Variants in HIP1 observed in about 807,000 individuals in gnomAD.
HIP1 encodes the protein huntingtin-interacting protein 1.
In HIP1, 65 loss-of-function variants were observed where a neutral mutation model predicts 147.6. The observed-to-expected ratio is 0.44, with a 90% CI of 0.36 to 0.54. The LOEUF is 0.54. Among genes scored for constraint, HIP1 ranks in the 20% least tolerant of loss-of-function variants. HIP1 has a pLI of 0.00. For synonymous variants in HIP1, 479 were observed against 504.0 expected (o/e 0.95, Z 0.67); for missense variants, 1,061 against 1,299.6 (o/e 0.82, Z 2.82).
At chr7:75,669,090 G>T (rs1037341717) in intron 1 of HIP1, among the ~76,000 whole-genome samples, 4 of 152,140 alleles carry the variant, frequency 2.6e-5, no homozygotes, top group African/African-American at 9.6e-5. Context: ...AACAGGCCGG[G>T]TGTGGTGGCT....
intron 1 of HIP1, among the ~76,000 whole-genome samples, chr7:75,631,345 A>C (rs1416763643): frequency 1.3e-5 from 2 of 152,158 alleles, no homozygotes; most frequent in Non-Finnish European, 2.9e-5. Flanking sequence ...CTTAGAAGCG[A>C]GGAAACAGTA....
intron 8 of HIP1, among the ~76,000 whole-genome samples, chr7:75,572,991 C>T (rs1336816792): frequency 6.6e-6 from 1 of 152,196 alleles, no homozygotes; most frequent in Non-Finnish European, 1.5e-5. Context: ...GGGGCTGAGC[C>T]CTGTTGCCAT....
intron 1 of HIP1, among the ~76,000 whole-genome samples, chr7:75,677,480 C>A (rs1584943672): frequency 6.6e-6 from 1 of 150,932 alleles, no homozygotes; most frequent in Admixed American, 6.6e-5. Context: ...GTGGCGGGTG[C>A]CTGTAATCCC....
chr7:75,632,269 C>G (rs1436413806), intron 1 of HIP1, among the ~76,000 whole-genome samples: 2 of 152,028 alleles, frequency 1.3e-5, no homozygotes, highest in Non-Finnish European at 2.9e-5. Flanking sequence ...ACGTCCTCAC[C>G]CAGGGGCCTA....
At chr7:75,631,879 TGTGTTGTG>T (rs1261577841) in intron 1 of HIP1, among the ~76,000 whole-genome samples, 1 of 151,110 alleles carries the variant, frequency 6.6e-6, no homozygotes, top group Non-Finnish European at 1.5e-5. Flanking sequence ...CAGCTGCGCG[TGTGTTGTG>T]GGGGAGATTG....
rs1795486967 is a variant in HIP1, at chr7:75,568,329, G to A, written c.746-73C>T. 3.1e-6 allele frequency: 3 copies of A among 978,110 alleles called. No individual in the cohort carries two copies. The highest frequency in any genetic ancestry group is 3.2e-5 in the African/African-American group (2 of 62,896). The allele number at this position is 978,110 out of a possible 1,614,324, so 60.6% of individuals were successfully genotyped here. On this transcript the variant is annotated intron_variant, in intron 8 of 30. Transcript: ENST00000336926. This position sits in a 1 kb window ranked among gnomAD's most constrained non-coding sequence, Gnocchi z 4.1. ...AGGGAAGCCACAGCGGGGCTCTCGAGGGGGAGGGGCCCAGCTACCCTGGGG... is the reference window on the plus strand; with the variant it reads ...AGGGAAGCCACAGCGGGGCTCTCGAAGGGGAGGGGCCCAGCTACCCTGGGG...
At chr7:75,569,863 A>G (rs1364521950) in intron 8 of HIP1, among the ~76,000 whole-genome samples, 4 of 152,172 alleles carry the variant, frequency 2.6e-5, no homozygotes, top group Admixed American at 2.6e-4. Flanking sequence ...TAAATGTCAC[A>G]TGCATGTACC....
chr7:75,621,741 G>A (rs1554507165), intron 1 of HIP1, among the ~76,000 whole-genome samples: 1 of 152,320 alleles, frequency 6.6e-6, no homozygotes, highest in South Asian at 2.1e-4. Flanking sequence ...GTCGGTCTCT[G>A]AATTTATTTT....
At chr7:75,631,298 T>C (rs1255117545) in intron 1 of HIP1, among the ~76,000 whole-genome samples, 4 of 152,126 alleles carry the variant, frequency 2.6e-5, no homozygotes, top group African/African-American at 9.7e-5. Flanking sequence ...TAAGTGAGCA[T>C]CTTGACAGTG....
intron 22 of HIP1, among the ~76,000 whole-genome samples, chr7:75,553,016 G>A (rs1794844610): frequency 6.6e-6 from 1 of 151,626 alleles, no homozygotes; most frequent in Admixed American, 6.6e-5. Context: ...TCGGTGCACT[G>A]CAACCTCCAC....
At chr7:75,564,109 C>T (rs1795326001) in intron 9 of HIP1, among the ~76,000 whole-genome samples, 1 of 151,750 alleles carries the variant, frequency 6.6e-6, no homozygotes, top group Non-Finnish European at 1.5e-5. Context: ...CCAGGCTGGT[C>T]TCAAACTCCT....
intron 1 of HIP1, among the ~76,000 whole-genome samples, chr7:75,733,033 G>A (rs960656908): frequency 6.6e-6 from 1 of 152,160 alleles, no homozygotes; most frequent in Non-Finnish European, 1.5e-5. Flanking sequence ...CTCACTAAAC[G>A]GATGTTGAAG....
At chr7:75,592,324 C>T (rs782053575) in intron 3 of HIP1, 48 bp downstream of exon 3, 1 of 1,572,942 alleles carries the variant, frequency 6.4e-7, no homozygotes, top group African/African-American at 1.4e-5. Context: ...GTCACTTTCC[C>T]CACAAGGATC....
intron 5 of HIP1, among the ~76,000 whole-genome samples, chr7:75,583,429 C>T (rs1266351365): frequency 1.3e-5 from 2 of 152,120 alleles, no homozygotes; most frequent in Non-Finnish European, 2.9e-5. Context: ...AACAAGATAC[C>T]ATGCACTGGG....
At chr7:75,683,622 C>T (rs1448408126) in intron 1 of HIP1, among the ~76,000 whole-genome samples, 2 of 152,140 alleles carry the variant, frequency 1.3e-5, no homozygotes, top group Non-Finnish European at 2.9e-5. Flanking sequence ...TCTGGAGGTG[C>T]AGCATGCCCC....
At chr7:75,613,106 CAT>C (rs1491068809) in intron 1 of HIP1, among the ~76,000 whole-genome samples, 24 of 152,014 alleles carry the variant, frequency 1.6e-4, no homozygotes, top group South Asian at 1.2e-3. Context: ...CACACACACA[CAT>C]GCACACAAAA....
chr7:75,727,845 C>CAA (rs1169732794), intron 1 of HIP1, among the ~76,000 whole-genome samples: 21 of 67,204 alleles, frequency 3.1e-4, no homozygotes, highest in Admixed American at 5.1e-4. Context: ...GACTCCATCT[C>CAA]AAAAAAAAAA....
At position 75,660,468 on chromosome 7, in the gene HIP1, A is replaced by C. The variant is rs149273156; in HGVS notation, c.121-61221T>G. Among the ~76,000 whole-genome samples, 18 of 152,278 alleles carry C rather than the reference A, an allele frequency of 1.2e-4. No homozygotes were observed. In the East Asian group the frequency reaches 3.5e-3, roughly 29 times the overall value. ...CTTGAACCCACGAGGCAGAGGTTGC[A>C]GTGAACCGAGATTGCACCACTGCAC... On this transcript the variant is annotated intron_variant, in intron 1 of 30. Coordinates refer to ENST00000336926, the MANE Select transcript of HIP1 (RefSeq NM_005338.7).
chr7:75,691,531 G>T (rs1161998260), intron 1 of HIP1, among the ~76,000 whole-genome samples: 1 of 151,846 alleles, frequency 6.6e-6, no homozygotes, highest in Non-Finnish European at 1.5e-5. Flanking sequence ...GGGCGCGGTG[G>T]CTCATGCCTG....
Sources: allele counts gnomAD v4.1 joint callset (sites outside exome capture counted in the v4.1 genomes callset), GRCh38; gene constraint gnomAD v4.1.1; non-coding constraint Gnocchi (gnomAD v3.1); transcripts MANE v1.5; gene names NCBI Gene and HGNC (gene_info 2026-07-23, HGNC 2026-07-21).